EPAS1: variants seen among roughly 807,000 people sequenced by gnomAD.
EPAS1 encodes the protein endothelial PAS domain protein 1.
A neutral mutation model predicts 87.9 loss-of-function variants in EPAS1; 23 were observed. The observed-to-expected ratio is 0.26, with a 90% CI of 0.19 to 0.37. EPAS1 has a LOEUF of 0.37. EPAS1 is among the 10% of genes least tolerant of loss of function. The pLI is 1.00. For synonymous variants in EPAS1, 508 were observed against 444.3 expected, an observed-to-expected ratio of 1.14 and a Z score of -1.80; for missense variants, 1,138 against 1,120.7, an observed-to-expected ratio of 1.02 and a Z score of -0.22.
chr2:46,316,567 G>A (rs1390708950), intron 1 of EPAS1, among the ~76,000 whole-genome samples: 1 of 152,180 alleles, frequency 6.6e-6, no homozygotes, highest in Non-Finnish European at 1.5e-5. Context: ...GGCCAACAAT[G>A]TCTATACCTT....
At chr2:46,332,012 T>C (rs1350100440) in intron 1 of EPAS1, among the ~76,000 whole-genome samples, 2 of 152,240 alleles carry the variant, frequency 1.3e-5, no homozygotes, top group Non-Finnish European at 1.5e-5. Flanking sequence ...CTGTTTTATC[T>C]GCTGGACAGA....
chr2:46,384,209 C>T (rs1684959978), intron 15 of EPAS1, among the ~76,000 whole-genome samples: 1 of 152,206 alleles, frequency 6.6e-6, no homozygotes, highest in South Asian at 2.1e-4. Context: ...GCCTTTCCTC[C>T]CTGCTGCCAG....
At chr2:46,301,825 A>G (rs1265015503) in intron 1 of EPAS1, among the ~76,000 whole-genome samples, 1 of 46,272 alleles carries the variant, frequency 2.2e-5, no homozygotes, top group Non-Finnish European at 6.8e-5. Flanking sequence ...TTGCTTTTTG[A>G]AAAAAAAAAA....
At chr2:46,349,819 A>G (rs1479833529) in intron 2 of EPAS1, among the ~76,000 whole-genome samples, 2 of 152,158 alleles carry the variant, frequency 1.3e-5, no homozygotes. Context: ...TCTAAATCGT[A>G]TTTTGCTTTT....
At chr2:46,358,164 C>G (rs1684308343) in intron 4 of EPAS1, among the ~76,000 whole-genome samples, 1 of 152,198 alleles carries the variant, frequency 6.6e-6, no homozygotes, top group Non-Finnish European at 1.5e-5. Context: ...CTCACCTCCA[C>G]CCTATTACAG....
chr2:46,308,140 A>G (rs1683144113), intron 1 of EPAS1, among the ~76,000 whole-genome samples: 1 of 151,954 alleles, frequency 6.6e-6, no homozygotes, highest in African/African-American at 2.4e-5. Context: ...ACTCATTCCC[A>G]CTTCTATTCC....
At position 46,311,958 on chromosome 2, in the gene EPAS1, C is replaced by A. The variant is rs73926253; in HGVS notation, c.26+14021C>A. ...AGCACATTTGAAACCATTTTCCATACCCAAATCAACATAATCTTGGTGATT... is the reference window on the plus strand; with the variant it reads ...AGCACATTTGAAACCATTTTCCATAACCAAATCAACATAATCTTGGTGATT... On this transcript the variant is annotated intron_variant, in intron 1 of 15. Coordinates refer to ENST00000263734, the MANE Select transcript of EPAS1 (RefSeq NM_001430.5). Among the ~76,000 whole-genome samples the A allele has an allele frequency of 6.5e-3, 995 of 152,284 alleles. 31 individuals carry two copies. The highest frequency in any genetic ancestry group is 5.6e-3 in the East Asian group (29 of 5,182).
chr2:46,328,022 G>C (rs1426182546), intron 1 of EPAS1, among the ~76,000 whole-genome samples: 1 of 152,214 alleles, frequency 6.6e-6, no homozygotes, highest in African/African-American at 2.4e-5. Context: ...CTTAGGTTTT[G>C]AGAAAACTTG....
intron 1 of EPAS1, among the ~76,000 whole-genome samples, chr2:46,309,998 C>CAAAGCCTCCCCT (rs1362425073): frequency 6.6e-6 from 1 of 152,208 alleles, no homozygotes; most frequent in Non-Finnish European, 1.5e-5. Context: ...ATATTGACCT[C>CAAAGCCTCCCCT]AAAGCCTCCC....
chr2:46,379,640 T>TA (rs1684840208), intron 11 of EPAS1: 1 of 71,558 alleles, frequency 1.4e-5, no homozygotes, highest in South Asian at 3.3e-4. Context: ...TTCCCCTGCT[T>TA]GTATCATGCG....
rs914425210 is a variant in EPAS1 at position 46,375,497 on chromosome 2, A to G, written c.887-193A>G. ...ACCTCTTCTCACCTCTTTTTCCTAT[A>G]TTTAAAATGAAGAGTTGGCTGAGGT... is the stretch of plus-strand genomic sequence containing the variant. On this transcript the variant is annotated intron_variant, in intron 7 of 15. Transcript: ENST00000263734. The surrounding 1 kb of genome is among the most constrained non-coding windows in gnomAD (Gnocchi z 4.1). 143 of 660,178 alleles carry G rather than the reference A, an allele frequency of 2.2e-4. No homozygotes were observed. The highest frequency in any genetic ancestry group is 3.2e-4 in the Non-Finnish European group (122 of 381,466). 40.9% of individuals were successfully genotyped at this position (660,178 alleles called of 1,614,324 possible).
In EPAS1 at chr2:46,380,114, C is replaced by G; in HGVS notation, c.1555-113C>G. ...TCGGGAGCCAGTGGAGGCGTTTGAG[C>G]AGCACTGTGAAACAGTGCTTGAGAT... On this transcript the variant is annotated intron_variant, in intron 11 of 15. Transcript: ENST00000263734. This position sits in a 1 kb window ranked among gnomAD's most constrained non-coding sequence, Gnocchi z 4.4. 1 of 1,549,874 alleles carries G rather than the reference C, an allele frequency of 6.5e-7. No homozygotes were observed. Among genetic ancestry groups the G allele is most frequent in the South Asian group, 1.1e-5 (1 of 89,670 alleles).
chr2:46,298,091 C>A (rs1253990415), intron 1 of EPAS1, among the ~76,000 whole-genome samples, 154 bp downstream of exon 1: 1 of 152,040 alleles, frequency 6.6e-6, no homozygotes. Flanking sequence ...AGAGCATGTG[C>A]CCGGTTTGGG....
intron 1 of EPAS1, among the ~76,000 whole-genome samples, chr2:46,318,333 C>G (rs1326110477): frequency 1.3e-5 from 2 of 151,994 alleles, no homozygotes; most frequent in African/African-American, 2.4e-5. Context: ...GATCACTGAT[C>G]GCAGATCATT....
chr2:46,315,347 C>A (rs1464269805), intron 1 of EPAS1, among the ~76,000 whole-genome samples: 9 of 152,130 alleles, frequency 5.9e-5, no homozygotes, highest in Admixed American at 1.3e-4. Context: ...GGCGGGGGTG[C>A]ATACTGTGGG....
chr2:46,373,830 G>C (rs914082186), intron 7 of EPAS1, among the ~76,000 whole-genome samples: 1 of 152,214 alleles, frequency 6.6e-6, no homozygotes, highest in African/African-American at 2.4e-5. Flanking sequence ...CTTAGACTAG[G>C]AATCTTTAAT....
intron 1 of EPAS1, among the ~76,000 whole-genome samples, chr2:46,312,206 A>G (rs962835242): frequency 1.1e-4 from 16 of 152,128 alleles, no homozygotes; most frequent in African/African-American, 3.9e-4. Context: ...CGGATTGTAA[A>G]TGCTCCCGAG....
At position 46,347,598 on chromosome 2, in the gene EPAS1, G is replaced by C. The variant is rs1234873000; in HGVS notation, c.217+535G>C. On this transcript the variant is annotated intron_variant, in intron 2 of 15. Coordinates refer to ENST00000263734, the MANE Select transcript of EPAS1 (RefSeq NM_001430.5). This position sits in a 1 kb window ranked among gnomAD's most constrained non-coding sequence, Gnocchi z 4.2. ...TACTTCTTGCCCAGGGTGTCGGTGA[G>C]AATGGACTGAAATGATGTCCATAAA... 1 of 192,698 alleles carries C rather than the reference G, an allele frequency of 5.2e-6. No homozygotes were observed. Among genetic ancestry groups the C allele is most frequent in the Non-Finnish European group, 1.1e-5 (1 of 91,356 alleles). The allele number at this position is 192,698 out of a possible 1,614,324, so 11.9% of individuals were successfully genotyped here.
chr2:46,322,340 A>G (rs1683470623), intron 1 of EPAS1, among the ~76,000 whole-genome samples: 1 of 152,238 alleles, frequency 6.6e-6, no homozygotes, highest in South Asian at 2.1e-4. Context: ...ACTGTGTGGC[A>G]GATGACTACA....
Sources: allele counts gnomAD v4.1 joint callset (sites outside exome capture counted in the v4.1 genomes callset), GRCh38; gene constraint gnomAD v4.1.1; non-coding constraint Gnocchi (gnomAD v3.1); transcripts MANE v1.5; gene names NCBI Gene and HGNC (gene_info 2026-07-23, HGNC 2026-07-21).